Variants in TTC21B observed in about 807,000 individuals in gnomAD.
The protein encoded by TTC21B is tetratricopeptide repeat protein 21B.
TTC21B carries 127 observed loss-of-function variants against 175.1 expected under a neutral mutation model. That is an observed-to-expected ratio of 0.73 (90% CI 0.63 to 0.84). The LOEUF (loss-of-function observed/expected upper bound fraction) is 0.84, where lower values mean the gene tolerates loss of function less well. Ranked by LOEUF, TTC21B falls within the 40% of genes least tolerant of loss-of-function variation. The pLI, the probability that TTC21B is intolerant of heterozygous loss-of-function variation, is 0.00. For missense variants in TTC21B, 1,561 were observed against 1,558.3 expected, an observed-to-expected ratio of 1.00 and a Z score of -0.03; for synonymous variants, 524 against 524.5, an observed-to-expected ratio of 1.00 and a Z score of 0.01.
Position 165,890,862 on chromosome 2 carries a change from T to C in TTC21B, c.3077A>G (p.Gln1026Arg), listed in dbSNP as rs753645075. Residue 1026 changes from glutamine (Q) to arginine (R), a missense_variant, in exon 23 of 29, where the codon CAG becomes CGG. Transcript: ENST00000243344. ...CCAAAGATACAGTCCTTTACAATACTGAAATCCTGGTTCCAATTTTGCTCT... is the reference window on the plus strand; with the variant it reads ...CCAAAGATACAGTCCTTTACAATACCGAAATCCTGGTTCCAATTTTGCTCT... ...NSRAKLEPGF[Q>R]YCKGLYLWYT... The C allele has an allele frequency of 3.7e-6, 6 of 1,613,460 alleles. No homozygotes were observed. Among genetic ancestry groups the C allele is most frequent in the Non-Finnish European group, 5.1e-6 (6 of 1,179,602 alleles).
chr2:165,943,024 G>A (rs1687426013), intron 5 of TTC21B, among the ~76,000 whole-genome samples, 195 bp downstream of exon 5: 3 of 152,158 alleles, frequency 2.0e-5, no homozygotes, highest in Admixed American at 1.3e-4. Context: ...CAGGATTCAG[G>A]AACTCTGGCA....
chr2:165,950,671 CGCAATCTCTGCTCACT>C (rs1687734818), intron 1 of TTC21B, among the ~76,000 whole-genome samples: 1 of 152,162 alleles, frequency 6.6e-6, no homozygotes, highest in Non-Finnish European at 1.5e-5. Context: ...AGTGCAGTGG[CGCAATCTCTGCTCACT>C]GCAATCTCTG....
chr2:165,931,644 T>C, intron 8 of TTC21B, 114 bp downstream of exon 8: 2 of 862,206 alleles, frequency 2.3e-6, no homozygotes, highest in Non-Finnish European at 3.8e-6. Flanking sequence ...ATCATATATT[T>C]AAATACATAT....
chr2:165,949,284 C>T (rs560362381), intron 3 of TTC21B, 110 bp downstream of exon 3: 12 of 831,208 alleles, frequency 1.4e-5, no homozygotes, highest in South Asian at 1.3e-4. Flanking sequence ...ATTGTACCTA[C>T]AGAAAATACA....
At chr2:165,917,123 T>A in intron 14 of TTC21B, 134 bp downstream of exon 14, 1 of 784,230 alleles carries the variant, frequency 1.3e-6, no homozygotes, top group Non-Finnish European at 2.2e-6. Flanking sequence ...AGATGATCCA[T>A]CTGCCTCGGC....
intron 19 of TTC21B, among the ~76,000 whole-genome samples, chr2:165,902,796 T>G (rs533698459): frequency 6.6e-6 from 1 of 152,214 alleles, no homozygotes; most frequent in Non-Finnish European, 1.5e-5. Context: ...ACAATTGGTT[T>G]AGATAGAATG....
intron 20 of TTC21B, 77 bp downstream of exon 20, chr2:165,901,645 T>C: frequency 1.4e-6 from 2 of 1,397,188 alleles, no homozygotes; most frequent in Non-Finnish European, 2.0e-6. Flanking sequence ...TAAAATAAGC[T>C]GGTAAAAATT....
chr2:165,875,268 G>T (rs902894199), intron 28 of TTC21B, among the ~76,000 whole-genome samples: 1 of 86,586 alleles, frequency 1.2e-5, no homozygotes, highest in Non-Finnish European at 2.3e-5. Flanking sequence ...GTGGGGAGAT[G>T]CTAGTTTTTT....
chr2:165,919,345 A>C lies in TTC21B; in HGVS notation c.1605T>G (p.Val535=). The change falls in exon 13 of 29, where the codon GTT becomes GTG. Residue 535 remains valine, a synonymous_variant. Transcript: ENST00000243344. ...YADAHLLLAQ[V]YLSQEKVKLC... ...ATTTGACTTTTTCTTGAGACAAGTA[A>C]ACCTGAGCTAGCAGCAGATGAGCAT... 2.5e-6 allele frequency: 4 copies of C among 1,614,128 alleles called. No individual in the cohort carries two copies. The highest frequency in any genetic ancestry group is 3.4e-6 in the Non-Finnish European group (4 of 1,179,992).
At chr2:165,908,847 C>T (rs540121087) in intron 18 of TTC21B, among the ~76,000 whole-genome samples, 6 of 152,160 alleles carry the variant, frequency 3.9e-5, no homozygotes, top group African/African-American at 1.4e-4. Context: ...CACATTTAGG[C>T]CTTTCAAGTG....
At chr2:165,940,071 T>C (rs1403730518) in intron 6 of TTC21B, among the ~76,000 whole-genome samples, 3 of 152,208 alleles carry the variant, frequency 2.0e-5, no homozygotes, top group Non-Finnish European at 4.4e-5. Context: ...ATCATTGTTG[T>C]TGTTATTCTG....
At chr2:165,892,647 T>C (rs1466039763) in intron 22 of TTC21B, among the ~76,000 whole-genome samples, 1 of 151,992 alleles carries the variant, frequency 6.6e-6, no homozygotes, top group Non-Finnish European at 1.5e-5. Context: ...TGATACAGCT[T>C]ACAGAGGTGC....
chr2:165,938,136 G>T (rs1452761528), intron 6 of TTC21B, among the ~76,000 whole-genome samples: 1 of 151,756 alleles, frequency 6.6e-6, no homozygotes, highest in African/African-American at 2.4e-5. Context: ...TAAATCCATG[G>T]TATGTAAAAC....
chr2:165,937,485 C>G (rs1225194812), intron 6 of TTC21B, among the ~76,000 whole-genome samples: 1 of 152,008 alleles, frequency 6.6e-6, no homozygotes, highest in Non-Finnish European at 1.5e-5. Context: ...AACAAATGTA[C>G]CACTCTGGTG....
rs754507174 is a variant in TTC21B, at chr2:165,945,630, T to C, written c.323A>G (p.Glu108Gly). 1.2e-6 allele frequency: 2 copies of C among 1,613,826 alleles called. No homozygotes were observed. Among genetic ancestry groups the C allele is most frequent in the South Asian group, 2.2e-5 (2 of 91,076 alleles). The change falls in exon 4 of 29, where the codon GAG becomes GGG. Residue 108 changes from glutamate (E) to glycine (G), a missense_variant. Physicochemically the swap from Glu to Gly is moderately conservative, Grantham distance 98 (BLOSUM62 -2). Transcript: ENST00000243344. ...TAAGCCTGCATGGTATAAGGCTTTC[T>C]CTCCAGCTCCTTTACGTTGTTCCTT... The part of the protein sequence containing the change: ...RVKEQRKGAG[E>G]KALYHAGLFL...
At chr2:165,930,468 G>T in intron 8 of TTC21B, 104 bp from the exon 9 acceptor site, 1 of 785,672 alleles carries the variant, frequency 1.3e-6, no homozygotes, top group Non-Finnish European at 1.9e-6. Context: ...CTTCAAAGGA[G>T]TGATGAAAAA....
At chr2:165,909,027 T>C (rs992946851) in intron 18 of TTC21B, among the ~76,000 whole-genome samples, 2 of 152,132 alleles carry the variant, frequency 1.3e-5, no homozygotes, top group African/African-American at 4.8e-5. Flanking sequence ...TCTCTCATCA[T>C]GTGTTCAAAT....
chr2:165,941,820 T>A (rs991197612), intron 5 of TTC21B, among the ~76,000 whole-genome samples: 7 of 152,120 alleles, frequency 4.6e-5, no homozygotes, highest in Admixed American at 4.6e-4. Context: ...TCATTAAAAA[T>A]GATGATATAA....
chr2:165,908,390 A>G (rs1685815957), intron 18 of TTC21B, among the ~76,000 whole-genome samples: 1 of 152,214 alleles, frequency 6.6e-6, no homozygotes. Flanking sequence ...TTACTAAATA[A>G]GTTAAAATAT....
Sources: allele counts gnomAD v4.1 joint callset (sites outside exome capture counted in the v4.1 genomes callset), GRCh38; gene constraint gnomAD v4.1.1; transcripts MANE v1.5; gene names NCBI Gene and HGNC (gene_info 2026-07-23, HGNC 2026-07-21).